Variants in FRMD4A observed in about 807,000 individuals in gnomAD.
FRMD4A encodes FERM domain-containing protein 4A.
FRMD4A carries 29 observed loss-of-function variants against 129.1 expected under a neutral mutation model. The observed-to-expected ratio is 0.22, with a 90% confidence interval of 0.17 to 0.31. The LOEUF is 0.31. Ranked by LOEUF, FRMD4A falls within the 10% of genes least tolerant of loss-of-function variation. The probability of loss-of-function intolerance (pLI) is 1.00; values close to 1 mark genes in which losing one functional copy is unlikely to be tolerated. For synonymous variants in FRMD4A, 634 were observed against 571.6 expected, an observed-to-expected ratio of 1.11 and a Z score of -1.56; for missense variants, 1,272 against 1,375.8, an observed-to-expected ratio of 0.92 and a Z score of 1.19.
At chr10:13,866,004 C>T (rs377208823) in intron 2 of FRMD4A, among the ~76,000 whole-genome samples, 20 of 152,200 alleles carry the variant, frequency 1.3e-4, no homozygotes, top group African/African-American at 4.3e-4. Context: ...CAATTGCCTA[C>T]TCGTTGACAT....
chr10:14,138,249 C>T lies in FRMD4A; in HGVS notation c.45+191809G>A, dbSNP rs1284753719. ...GTAACACCAAGGTGACCAAGACCTG[C>T]CTTTGCTCTCAAGGACTCACAATAT... On this transcript the variant is annotated intron_variant, in intron 2 of 24. Transcript: ENST00000357447. Among the ~76,000 whole-genome samples the T allele has an allele frequency of 6.6e-5, 10 of 152,332 alleles. No individual in the cohort carries two copies. The East Asian group carries it at 1.7e-3, about 26-fold the overall frequency.
chr10:13,845,811 T>G (rs143698784), intron 3 of FRMD4A, among the ~76,000 whole-genome samples: 202 of 152,266 alleles, frequency 1.3e-3, no homozygotes, highest in African/African-American at 4.7e-3. Context: ...ATGAAGAAAC[T>G]GAAGGTTAAG....
intron 2 of FRMD4A, among the ~76,000 whole-genome samples, chr10:14,222,385 C>A (rs1182651171): frequency 6.6e-6 from 1 of 152,156 alleles, no homozygotes; most frequent in Non-Finnish European, 1.5e-5. Flanking sequence ...CCAAGCTTGG[C>A]CCCTGCTGAG....
intron 2 of FRMD4A, among the ~76,000 whole-genome samples, chr10:14,322,398 G>A (rs1234465046): frequency 6.6e-6 from 1 of 152,160 alleles, no homozygotes; most frequent in Non-Finnish European, 1.5e-5. Context: ...GGTGTTCTGA[G>A]TTTCACATAC....
chr10:13,700,237 T>G (rs1217174857), intron 14 of FRMD4A, among the ~76,000 whole-genome samples: 1 of 151,414 alleles, frequency 6.6e-6, no homozygotes, highest in Non-Finnish European at 1.5e-5. Flanking sequence ...TGTGAGCCAC[T>G]GTGCCCAGCC....
intron 2 of FRMD4A, among the ~76,000 whole-genome samples, chr10:14,185,727 A>G (rs987792089): frequency 1.3e-5 from 2 of 152,306 alleles, no homozygotes; most frequent in East Asian, 1.9e-4. Context: ...TTCTAGAGAG[A>G]AGGGATGGCA....
At chr10:13,893,185 C>G (rs1241960399) in intron 2 of FRMD4A, among the ~76,000 whole-genome samples, 1 of 152,022 alleles carries the variant, frequency 6.6e-6, no homozygotes, top group East Asian at 1.9e-4. Flanking sequence ...TACAGGCACA[C>G]CCCACCACAC....
At chr10:13,739,932 T>C (rs2090887056) in intron 11 of FRMD4A, among the ~76,000 whole-genome samples, 1 of 152,198 alleles carries the variant, frequency 6.6e-6, no homozygotes, top group South Asian at 2.1e-4. Flanking sequence ...AAACCTCGTC[T>C]CTACTAAAAA....
At chr10:14,214,065 G>A (rs1271368032) in intron 2 of FRMD4A, among the ~76,000 whole-genome samples, 2 of 152,214 alleles carry the variant, frequency 1.3e-5, no homozygotes, top group Admixed American at 1.3e-4. Context: ...TAAGATGTGC[G>A]TTTGCTCTTC....
intron 2 of FRMD4A, among the ~76,000 whole-genome samples, chr10:14,135,352 G>T (rs7069606): frequency 0.011 from 1,631 of 152,304 alleles, 22 homozygotes; most frequent in African/African-American, 0.037. Context: ...TGACTGCTAA[G>T]TGTCCAAACT....
At chr10:13,732,757 C>T (rs928298878) in intron 12 of FRMD4A, among the ~76,000 whole-genome samples, 2 of 152,220 alleles carry the variant, frequency 1.3e-5, no homozygotes, top group African/African-American at 4.8e-5. Context: ...TGGAGTGCCA[C>T]CCCTCCCAGA....
At position 13,892,027 on chromosome 10, in the gene FRMD4A, G is replaced by C. The variant is rs1269545071; in HGVS notation, c.46-33115C>G. Among the ~76,000 whole-genome samples, 748 of 136,516 alleles carry C rather than the reference G, an allele frequency of 5.5e-3. 1 individual carries two copies. The highest frequency in any genetic ancestry group is 6.5e-3 in the Non-Finnish European group (410 of 63,548). 89.6% of individuals were successfully genotyped at this position (136,516 alleles called of 152,430 possible). The stretch of plus-strand genomic sequence containing the variant: ...ATCCTGGACAACAATGCGCGCCCCC[G>C]CCCCCCCAGAAAGCCAGGGACGCCC... On this transcript the variant is annotated intron_variant, in intron 2 of 24. Coordinates refer to ENST00000357447, the MANE Select transcript of FRMD4A (RefSeq NM_018027.5).
intron 18 of FRMD4A, among the ~76,000 whole-genome samples, chr10:13,663,885 C>A (rs2134683343): frequency 6.6e-6 from 1 of 152,360 alleles, no homozygotes. Flanking sequence ...AGGACGCAAA[C>A]TGCTTTTGAT....
chr10:14,264,393 A>T lies in FRMD4A; in HGVS notation c.45+65665T>A, dbSNP rs539398096. On this transcript the variant is annotated intron_variant, in intron 2 of 24. Transcript: ENST00000357447. ...CGCTGATTAATTTCCTTTTAAAGCC[A>T]TCATTCTAAAAACAACAACAACAAC... is the stretch of plus-strand genomic sequence containing the variant. Among the ~76,000 whole-genome samples the T allele has an allele frequency of 5.8e-4, 88 of 152,352 alleles. 1 individual carries two copies. Among genetic ancestry groups the T allele is most frequent in the African/African-American group, 2.1e-3 (86 of 41,582 alleles).
chr10:13,995,719 T>C (rs2095620150), intron 2 of FRMD4A, among the ~76,000 whole-genome samples: 1 of 152,214 alleles, frequency 6.6e-6, no homozygotes. Flanking sequence ...CGTTGACAAT[T>C]GGTCTTCAGG....
Position 13,657,093 on chromosome 10 carries a change from G to A in FRMD4A, c.2496C>T (p.Tyr832=). 6.4e-7 allele frequency: 1 copy of A among 1,573,246 alleles called. No homozygotes were observed. The highest frequency in any genetic ancestry group is 8.6e-7 in the Non-Finnish European group (1 of 1,165,990). Residue 832 remains tyrosine (Y), a synonymous_variant, in exon 22 of 25, where the codon TAC becomes TAT. Transcript: ENST00000357447. The part of the protein sequence containing the change: ...LHSQSQPSSQ[Y]RIKEYPLYIE... ...TGTACAGCGGGTACTCCTTGATGCGGTACTGCGAGCTGGGCTGGCTCTGGC... is the reference window on the plus strand; with the variant it reads ...TGTACAGCGGGTACTCCTTGATGCGATACTGCGAGCTGGGCTGGCTCTGGC...
intron 2 of FRMD4A, among the ~76,000 whole-genome samples, chr10:14,209,854 C>A (rs1327116588): frequency 6.6e-6 from 1 of 152,128 alleles, no homozygotes; most frequent in Non-Finnish European, 1.5e-5. Flanking sequence ...TGCCACTGCC[C>A]TCCAACCTGG....
At chr10:14,239,109 G>C (rs1257941051) in intron 2 of FRMD4A, among the ~76,000 whole-genome samples, 1 of 151,992 alleles carries the variant, frequency 6.6e-6, no homozygotes, top group East Asian at 1.9e-4. Context: ...TAATTATCTG[G>C]CACATTCATA....
At chr10:14,128,046 CTCTTTCTTTCTTTCTT>C (rs534411383) in intron 2 of FRMD4A, among the ~76,000 whole-genome samples, 9,859 of 77,470 alleles carry the variant, frequency 0.13, 939 homozygotes, top group East Asian at 0.29. Context: ...CTTTCTTTCC[CTCTTTCTTTCTTTCTT>C]TCTTTCTTTC....
Sources: gnomAD v4.1 joint callset for allele counts (sites outside exome capture counted in the v4.1 genomes callset) on GRCh38, gnomAD v4.1.1 for gene constraint, MANE v1.5 for transcripts, NCBI Gene and HGNC (gene_info 2026-07-23, HGNC 2026-07-21) for gene names.